The following LRRFIP2 variants were observed in gnomAD, a reference collection of about 807,000 sequenced individuals.
The protein encoded by LRRFIP2 is leucine-rich repeat flightless-interacting protein 2.
A neutral mutation model predicts 125.9 loss-of-function variants in LRRFIP2; 109 were observed. That is an observed-to-expected ratio of 0.87 (90% CI 0.74 to 1.01). The LOEUF is 1.01. LRRFIP2 is among the 50% of genes least tolerant of loss of function. The pLI is 0.00. For missense variants in LRRFIP2, 850 were observed against 862.3 expected (o/e 0.99, Z 0.18); for synonymous variants, 291 against 293.1 (o/e 0.99, Z 0.07).
rs190340364 is a variant in LRRFIP2, at chr3:37,069,535, A to G, written c.1465-3210T>C. Among the ~76,000 whole-genome samples the G allele has an allele frequency of 6.0e-3, 917 of 152,318 alleles. 5 individuals carry two copies. The highest frequency in any genetic ancestry group is 8.6e-3 in the Non-Finnish European group (584 of 68,018). Reference sequence around the variant, plus strand: ...TCACAGAGACAGAAGGTGGAATGGTAGTTGCCATTCCACCAGGGGTTTGGG... The same window carrying G: ...TCACAGAGACAGAAGGTGGAATGGTGGTTGCCATTCCACCAGGGGTTTGGG... On this transcript the variant is annotated intron_variant, in intron 21 of 27. Coordinates refer to ENST00000336686, the MANE Select transcript of LRRFIP2 (RefSeq NM_006309.4).
chr3:37,173,321 G>C (rs959978315), intron 1 of LRRFIP2, among the ~76,000 whole-genome samples: 2 of 152,030 alleles, frequency 1.3e-5, no homozygotes, highest in African/African-American at 2.4e-5. Flanking sequence ...TCCCATCTCA[G>C]CCTCACAAGC....
chr3:37,126,985 T>C (rs2095300529), intron 4 of LRRFIP2, among the ~76,000 whole-genome samples: 1 of 152,200 alleles, frequency 6.6e-6, no homozygotes, highest in Non-Finnish European at 1.5e-5. Context: ...CCTGTGGGCA[T>C]TTCCCATAAA....
chr3:37,151,683 C>T (rs1335604337), intron 1 of LRRFIP2, among the ~76,000 whole-genome samples: 3 of 151,664 alleles, frequency 2.0e-5, no homozygotes, highest in African/African-American at 4.8e-5. Flanking sequence ...CTGCAACCTC[C>T]GCCTCCCGGG....
At position 37,058,924 on chromosome 3, in the gene LRRFIP2, A is replaced by T; in HGVS notation, c.1750-14T>A. Reference sequence around the variant, plus strand: ...CAGTTTTCTAATCTGAAATGAAAATAAAGGTTCATCAGCAAGATCCAATCT... The same window carrying T: ...CAGTTTTCTAATCTGAAATGAAAATTAAGGTTCATCAGCAAGATCCAATCT... On this transcript the variant is annotated splice_polypyrimidine_tract_variant and intron_variant, in intron 24 of 27. Transcript: ENST00000336686. 1 of 1,613,386 alleles carries T rather than the reference A, an allele frequency of 6.2e-7. No homozygotes were observed. Among genetic ancestry groups the T allele is most frequent in the Non-Finnish European group, 8.5e-7 (1 of 1,179,810 alleles).
chr3:37,076,253 G>C (rs2091995698), intron 19 of LRRFIP2, among the ~76,000 whole-genome samples: 2 of 152,236 alleles, frequency 1.3e-5, no homozygotes, highest in South Asian at 4.1e-4. Context: ...GCTGGGCATG[G>C]TAGCTCATGC....
chr3:37,054,314 C>G, intron 27 of LRRFIP2, 97 bp downstream of exon 27: 1 of 984,256 alleles, frequency 1.0e-6, no homozygotes, highest in Non-Finnish European at 1.5e-6. Context: ...ACTGCTGTTT[C>G]CTTAAGTATC....
At chr3:37,103,076 A>G (rs2094152794) in intron 14 of LRRFIP2, 63 bp from the exon 15 acceptor site, 2 of 1,291,198 alleles carry the variant, frequency 1.5e-6, no homozygotes, top group Admixed American at 5.1e-5. Flanking sequence ...AAAAAATAAG[A>G]ACATTGGCCA....
intron 25 of LRRFIP2, 133 bp from the exon 26 acceptor site, chr3:37,055,298 C>T (rs1043170639): frequency 1.5e-5 from 8 of 534,416 alleles, no homozygotes; most frequent in Non-Finnish European, 2.3e-5. Context: ...GGCGCGGTGA[C>T]TCACGCCTGT....
chr3:37,096,173 C>T (rs1043651615), intron 16 of LRRFIP2, among the ~76,000 whole-genome samples: 22 of 152,152 alleles, frequency 1.4e-4, no homozygotes, highest in African/African-American at 4.6e-4. Flanking sequence ...AATCATCTCC[C>T]TGACTTTCTA....
chr3:37,138,260 A>C (rs2149824187), intron 2 of LRRFIP2, among the ~76,000 whole-genome samples: 1 of 152,366 alleles, frequency 6.6e-6, no homozygotes, highest in Admixed American at 6.5e-5. Context: ...AACAGAGGGG[A>C]ACAGGCTAAA....
At chr3:37,151,177 G>A (rs1333908080) in intron 1 of LRRFIP2, among the ~76,000 whole-genome samples, 1 of 152,058 alleles carries the variant, frequency 6.6e-6, no homozygotes, top group Admixed American at 6.6e-5. Flanking sequence ...TGGCCAACAT[G>A]GCGAAACCCC....
chr3:37,068,124 G>A (rs1325576054), intron 21 of LRRFIP2: 1 of 152,206 alleles, frequency 6.6e-6, no homozygotes, highest in African/African-American at 2.4e-5. Context: ...ACTCCATTAT[G>A]TTAATAATTA....
At position 37,096,697 on chromosome 3, in the gene LRRFIP2, T is replaced by G. The variant is rs773925067; in HGVS notation, c.874-37A>C. On this transcript the variant is annotated intron_variant, in intron 15 of 27. Coordinates refer to ENST00000336686, the MANE Select transcript of LRRFIP2 (RefSeq NM_006309.4). ...CAAAGATAAAAATCAGTAAAGATGC[T>G]TAGCAAGTTGACTTTTTTTGGGAGG... is the stretch of plus-strand genomic sequence containing the variant. The G allele has an allele frequency of 2.3e-6, 3 of 1,331,628 alleles. No homozygotes were observed. In the African/African-American group the frequency reaches 4.5e-5, roughly 20 times the overall value. 82.5% of individuals were successfully genotyped at this position (1,331,628 alleles called of 1,614,324 possible). A position where few individuals can be genotyped will look rare whatever the true frequency, so the allele number is the denominator to read the frequency against.
intron 1 of LRRFIP2, chr3:37,170,830 T>C (rs866968954): frequency 3.3e-5 from 5 of 152,202 alleles, no homozygotes; most frequent in Admixed American, 1.3e-4. Flanking sequence ...TCCCAGCAAT[T>C]TGGGAGGCCA....
chr3:37,123,077 A>G (rs969505385), intron 4 of LRRFIP2, among the ~76,000 whole-genome samples: 12 of 152,252 alleles, frequency 7.9e-5, no homozygotes, highest in Non-Finnish European at 1.5e-4. Flanking sequence ...GATGCCCTTG[A>G]CCAAATGTAT....
rs538527212 is a variant in LRRFIP2 at position 37,147,313 on chromosome 3, C to T, written c.90+1581G>A. Among the ~76,000 whole-genome samples, 4 of 152,220 alleles carry T rather than the reference C, an allele frequency of 2.6e-5. No homozygotes were observed. In the South Asian group the frequency reaches 8.3e-4, roughly 32 times the overall value. On this transcript the variant is annotated intron_variant, in intron 2 of 27. Transcript: ENST00000336686. ...AGACAGTGTGGTGATTCCTCAAAGA[C>T]CTAGAACCAGAAATACCATTTGACC...
chr3:37,067,942 A>C (rs1376420348), intron 21 of LRRFIP2: 9 of 152,192 alleles, frequency 5.9e-5, no homozygotes, highest in Non-Finnish European at 1.3e-4. Flanking sequence ...TTGTTAGCCC[A>C]GATGATGCTA....
chr3:37,114,001 G>A (rs2094658637), intron 7 of LRRFIP2, among the ~76,000 whole-genome samples: 1 of 152,088 alleles, frequency 6.6e-6, no homozygotes, highest in Admixed American at 6.6e-5. Flanking sequence ...AAGAGAGTGT[G>A]GCTAGAAGTG....
Position 37,053,494 on chromosome 3 carries a change from T to G in LRRFIP2, c.*357A>C, listed in dbSNP as rs1048723331. ...CTGAGGTCTCCAGCAAGTATCTCAG[T>G]GAGCACTCATAGAATTGCTGTCTGT... On this transcript the variant is annotated 3_prime_UTR_variant, in exon 28 of 28. Transcript: ENST00000336686. 2 of 223,588 alleles carry G rather than the reference T, an allele frequency of 8.9e-6. No homozygotes were observed. Among genetic ancestry groups the G allele is most frequent in the Non-Finnish European group, 1.8e-5 (2 of 110,760 alleles). 13.9% of individuals were successfully genotyped at this position (223,588 alleles called of 1,614,324 possible). A position where few individuals can be genotyped will look rare whatever the true frequency, so the allele number is the denominator to read the frequency against.
Sources: allele counts gnomAD v4.1 joint callset (sites outside exome capture counted in the v4.1 genomes callset), GRCh38; gene constraint gnomAD v4.1.1; transcripts MANE v1.5; gene names NCBI Gene and HGNC (gene_info 2026-07-23, HGNC 2026-07-21).